The following WASL variants were observed in gnomAD, a reference collection of about 807,000 sequenced individuals.
WASL encodes actin nucleation-promoting factor WASL.
Under a neutral mutation model 55.5 loss-of-function variants are expected in WASL, and 20 were observed. The observed-to-expected ratio is 0.36, with a 90% CI of 0.25 to 0.52. The LOEUF is 0.52. Among genes scored for constraint, WASL ranks in the 20% least tolerant of loss-of-function variants. The pLI is 0.92. For missense variants in WASL, 504 were observed against 622.5 expected (o/e 0.81, Z 2.03); for synonymous variants, 249 against 217.6 (o/e 1.14, Z -1.27).
Position 123,733,822 on chromosome 7 carries a change from A to C in WASL, c.117+14796T>G, listed in dbSNP as rs371443010. 1.3e-4 allele frequency among the ~76,000 whole-genome samples: 20 copies of C among 151,972 alleles called. No homozygotes were observed. The East Asian group carries it at 3.1e-3, about 24-fold the overall frequency. ...GAAGTAGACCCATACAAATGCAGTC[A>C]AATGATCTTTGACAAAGGAGCAAAG... On this transcript the variant is annotated intron_variant, in intron 1 of 10. Transcript: ENST00000223023.
At chr7:123,710,057 T>C (rs903490244) in intron 1 of WASL, among the ~76,000 whole-genome samples, 1 of 152,138 alleles carries the variant, frequency 6.6e-6, no homozygotes, top group African/African-American at 2.4e-5. Flanking sequence ...CTCAAGACTA[T>C]ATCATGAAAA....
chr7:123,748,373 G>A (rs1334729149), intron 1 of WASL, among the ~76,000 whole-genome samples: 5 of 152,146 alleles, frequency 3.3e-5, no homozygotes, highest in Admixed American at 6.5e-5. Context: ...CCAGGCTGGA[G>A]GACAGGCCTG....
intron 4 of WASL, 117 bp from the exon 5 acceptor site, chr7:123,704,774 G>T (rs1231820379): frequency 5.2e-6 from 3 of 580,846 alleles, no homozygotes; most frequent in Non-Finnish European, 8.3e-6. Flanking sequence ...GACTAAGGAA[G>T]ATTTTTCAGA....
intron 10 of WASL, 95 bp downstream of exon 10, chr7:123,688,947 A>C (rs983911362): frequency 1.8e-6 from 2 of 1,092,580 alleles, no homozygotes; most frequent in Non-Finnish European, 2.7e-6. Context: ...AAAGACAGTC[A>C]TAAAAATAAC....
chr7:123,683,872 G>T lies in WASL; in HGVS notation c.*647C>A, dbSNP rs1803242022. 6.6e-6 allele frequency: 1 copy of T among 151,964 alleles called. No individual in the cohort carries two copies. Among genetic ancestry groups the T allele is most frequent in the Non-Finnish European group, 1.5e-5 (1 of 67,924 alleles). 9.4% of individuals were successfully genotyped at this position (151,964 alleles called of 1,614,324 possible). ...TAAGGGCTCCTTATGATCCCAGTCTGCAAATACCACTGCTATACCAATAAC... is the reference window on the plus strand; with the variant it reads ...TAAGGGCTCCTTATGATCCCAGTCTTCAAATACCACTGCTATACCAATAAC... On this transcript the variant is annotated 3_prime_UTR_variant, in exon 11 of 11. Coordinates refer to ENST00000223023, the MANE Select transcript of WASL (RefSeq NM_003941.4).
At chr7:123,706,672 A>G in intron 3 of WASL, 68 bp downstream of exon 3, 1 of 1,158,478 alleles carries the variant, frequency 8.6e-7, no homozygotes, top group Non-Finnish European at 1.2e-6. Context: ...GGTTCTATAA[A>G]TAATTTGGAT....
chr7:123,694,522 C>A (rs1006705609), intron 8 of WASL, among the ~76,000 whole-genome samples, 193 bp downstream of exon 8: 1 of 151,998 alleles, frequency 6.6e-6, no homozygotes, highest in Non-Finnish European at 1.5e-5. Context: ...AAAGAATAAA[C>A]AAAACCTTGT....
At chr7:123,706,871 T>C (rs1336924547) in intron 2 of WASL, 45 bp from the exon 3 acceptor site, 3 of 1,212,576 alleles carry the variant, frequency 2.5e-6, no homozygotes, top group Non-Finnish European at 3.5e-6. Flanking sequence ...CAAAACATAA[T>C]CTCTAGGAAT....
At chr7:123,725,319 T>G (rs930579580) in intron 1 of WASL, among the ~76,000 whole-genome samples, 2 of 152,180 alleles carry the variant, frequency 1.3e-5, no homozygotes, top group African/African-American at 2.4e-5. Context: ...ATCACTACTG[T>G]GCTATGAAAA....
At chr7:123,714,347 A>G (rs1168421221) in intron 1 of WASL, among the ~76,000 whole-genome samples, 1 of 152,190 alleles carries the variant, frequency 6.6e-6, no homozygotes, top group East Asian at 1.9e-4. Context: ...AAATAACCAG[A>G]AAAGAAAAGA....
intron 1 of WASL, among the ~76,000 whole-genome samples, chr7:123,732,169 T>C (rs989789058): frequency 2.0e-5 from 3 of 151,458 alleles, no homozygotes; most frequent in Non-Finnish European, 4.4e-5. Context: ...CTACTAAAAA[T>C]ACAAAAAAAA....
At chr7:123,721,560 A>G (rs1803943808) in intron 1 of WASL, among the ~76,000 whole-genome samples, 1 of 152,202 alleles carries the variant, frequency 6.6e-6, no homozygotes, top group South Asian at 2.1e-4. Context: ...CAACAACAAC[A>G]AAAAACCCCA....
intron 1 of WASL, among the ~76,000 whole-genome samples, chr7:123,738,575 T>C (rs1357373070): frequency 1.3e-5 from 2 of 152,230 alleles, no homozygotes; most frequent in African/African-American, 4.8e-5. Context: ...CAATTTTTTC[T>C]TCACGTTTCT....
At chr7:123,684,840 G>A (rs997291021) in intron 10 of WASL, among the ~76,000 whole-genome samples, 1 of 152,004 alleles carries the variant, frequency 6.6e-6, no homozygotes, top group African/African-American at 2.4e-5. Context: ...ACCTGTTAAT[G>A]TATAAAATCA....
At chr7:123,731,414 T>C (rs1361766442) in intron 1 of WASL, among the ~76,000 whole-genome samples, 1 of 151,860 alleles carries the variant, frequency 6.6e-6, no homozygotes, top group African/African-American at 2.4e-5. Flanking sequence ...GGGCAAAAAA[T>C]CAGGAAGGAT....
At chr7:123,745,567 C>T (rs1016224921) in intron 1 of WASL, among the ~76,000 whole-genome samples, 14 of 152,180 alleles carry the variant, frequency 9.2e-5, no homozygotes, top group African/African-American at 2.9e-4. Flanking sequence ...AAGGATTATC[C>T]TATCAGACAA....
chr7:123,725,344 T>A (rs1804023741), intron 1 of WASL, among the ~76,000 whole-genome samples: 1 of 152,182 alleles, frequency 6.6e-6, no homozygotes, highest in African/African-American at 2.4e-5. Context: ...GAACAGACTT[T>A]TAAACTCAAG....
At chr7:123,726,126 A>AT (rs142034187) in intron 1 of WASL, among the ~76,000 whole-genome samples, 2 of 152,344 alleles carry the variant, frequency 1.3e-5, no homozygotes, top group Non-Finnish European at 2.9e-5. Flanking sequence ...AATTACAATC[A>AT]TATCAATAAT....
chr7:123,733,008 C>T (rs192600274), intron 1 of WASL, among the ~76,000 whole-genome samples: 2 of 152,196 alleles, frequency 1.3e-5, no homozygotes, highest in African/African-American at 2.4e-5. Context: ...TAGCAGGGAA[C>T]GTCCTCAACT....
Sources: allele counts gnomAD v4.1 joint callset (sites outside exome capture counted in the v4.1 genomes callset), GRCh38; gene constraint gnomAD v4.1.1; transcripts MANE v1.5; gene names NCBI Gene and HGNC (gene_info 2026-07-23, HGNC 2026-07-21).